The following SHOC1 variants were observed in gnomAD, a reference collection of about 807,000 sequenced individuals.
SHOC1 encodes the protein protein shortage in chiasmata 1 ortholog.
In SHOC1, 136 loss-of-function variants were observed where a neutral mutation model predicts 179.2. That is an observed-to-expected ratio of 0.76 (90% confidence interval 0.66 to 0.87). SHOC1 has a LOEUF of 0.87. Among genes scored for constraint, SHOC1 ranks in the 40% least tolerant of loss-of-function variants. The probability of loss-of-function intolerance (pLI) is 0.00; values close to 1 mark genes in which losing one functional copy is unlikely to be tolerated. For missense variants in SHOC1, 1,538 were observed against 1,700.8 expected, an observed-to-expected ratio of 0.90 and a Z score of 1.68; for synonymous variants, 489 against 586.6, an observed-to-expected ratio of 0.83 and a Z score of 2.41.
intron 5 of SHOC1, among the ~76,000 whole-genome samples, chr9:111,769,994 T>G (rs959574556): frequency 4.8e-5 from 7 of 146,730 alleles, no homozygotes; most frequent in African/African-American, 1.8e-4. Flanking sequence ...TTGTTTTTTT[T>G]TTTTTTTTTT....
At chr9:111,705,656 C>T (rs1292402145) in intron 20 of SHOC1, among the ~76,000 whole-genome samples, 5 of 151,858 alleles carry the variant, frequency 3.3e-5, no homozygotes, top group African/African-American at 4.8e-5. Context: ...CACACATGTA[C>T]ACTCACTTCA....
At chr9:111,729,780 T>A (rs1319405050) in intron 12 of SHOC1, among the ~76,000 whole-genome samples, 1 of 151,784 alleles carries the variant, frequency 6.6e-6, no homozygotes, top group Non-Finnish European at 1.5e-5. Flanking sequence ...TAGTCCCAGC[T>A]ACTCAGGAGG....
intron 3 of SHOC1, among the ~76,000 whole-genome samples, chr9:111,784,520 A>G (rs1836191059): frequency 6.6e-6 from 1 of 152,162 alleles, no homozygotes. Context: ...TCTCCTCTTG[A>G]CTTTTAAATC....
At chr9:111,712,300 T>C (rs1156544469) in intron 18 of SHOC1, among the ~76,000 whole-genome samples, 4 of 152,078 alleles carry the variant, frequency 2.6e-5, no homozygotes, top group Admixed American at 2.0e-4. Flanking sequence ...AGGTACACAA[T>C]TGTCCATGGA....
Position 111,748,178 on chromosome 9 carries a change from A to C in SHOC1, c.884T>G (p.Ile295Ser). ...GAATTTTATATCCCCGATATCCTCA[A>C]TTCCATGCTTGTTAGTAAGATCTGA... ...FERDLTNKHG[I>S]EDIGDIKFSS... Residue 295 changes from isoleucine to serine, a missense_variant, in exon 9 of 28, where the codon ATT becomes AGT. Coordinates refer to ENST00000682961, the MANE Select transcript of SHOC1 (RefSeq NM_001378211.1). The C allele has an allele frequency of 6.2e-7, 1 of 1,612,964 alleles. No homozygotes were observed.
chr9:111,793,743 C>G (rs1836527568), intron 1 of SHOC1, among the ~76,000 whole-genome samples: 1 of 149,618 alleles, frequency 6.7e-6, no homozygotes, highest in South Asian at 2.1e-4. Flanking sequence ...TAACAAACAT[C>G]TACTGGACTA....
chr9:111,761,536 C>T (rs1835137139), intron 5 of SHOC1, among the ~76,000 whole-genome samples: 2 of 151,930 alleles, frequency 1.3e-5, no homozygotes, highest in Non-Finnish European at 1.5e-5. Flanking sequence ...AAACCTCATG[C>T]ACCTTCAAGA....
intron 5 of SHOC1, among the ~76,000 whole-genome samples, chr9:111,760,128 T>A (rs537605027): frequency 2.0e-5 from 3 of 152,300 alleles, no homozygotes; most frequent in South Asian, 4.1e-4. Flanking sequence ...TCTAAACAGA[T>A]CCTCCAGCCA....
chr9:111,751,764 A>G (rs555276564), intron 8 of SHOC1, among the ~76,000 whole-genome samples: 2 of 152,308 alleles, frequency 1.3e-5, no homozygotes, highest in African/African-American at 4.8e-5. Flanking sequence ...GGAAACACAT[A>G]TATTAGTTCT....
chr9:111,692,558 A>G (rs751022884), intron 26 of SHOC1, 47 bp from the exon 27 acceptor site: 1 of 1,376,082 alleles, frequency 7.3e-7, no homozygotes, highest in Non-Finnish European at 9.9e-7. Context: ...AGTAAATATA[A>G]ATAATGATGC....
At chr9:111,699,706 C>T (rs1191671262) in intron 24 of SHOC1, among the ~76,000 whole-genome samples, 1 of 152,032 alleles carries the variant, frequency 6.6e-6, no homozygotes, top group African/African-American at 2.4e-5. Flanking sequence ...TTATTCATAT[C>T]CTGCTATGTT....
chr9:111,781,724 G>GTAAATAAA (rs58575917), intron 3 of SHOC1, among the ~76,000 whole-genome samples: 54,107 of 134,886 alleles, frequency 0.4, 11,436 homozygotes, highest in East Asian at 0.72. Flanking sequence ...GTGAGACTCT[G>GTAAATAAA]TAAATAAATA....
At position 111,746,375 on chromosome 9, in the gene SHOC1, A is replaced by G. The variant is rs368165710; in HGVS notation, c.971-33T>C. The G allele has an allele frequency of 3.6e-6, 5 of 1,374,368 alleles. No homozygotes were observed. The African/African-American group carries it at 7.1e-5, about 20-fold the overall frequency. 85.1% of individuals were successfully genotyped at this position (1,374,368 alleles called of 1,614,324 possible). ...ATATGAAAATTAAAGTTATGTAAAC[A>G]TTGAATAATATTAAGTAGGCTAGGC... is the stretch of plus-strand genomic sequence containing the variant. On this transcript the variant is annotated intron_variant, in intron 9 of 27. Coordinates refer to ENST00000682961, the MANE Select transcript of SHOC1 (RefSeq NM_001378211.1).
chr9:111,753,028 C>A (rs1353550366), intron 8 of SHOC1, among the ~76,000 whole-genome samples: 1 of 152,086 alleles, frequency 6.6e-6, no homozygotes, highest in Non-Finnish European at 1.5e-5. Context: ...GCCTGAGCAA[C>A]ATAGTGAGAC....
At chr9:111,707,734 G>T in intron 19 of SHOC1, 121 bp downstream of exon 19, 1 of 679,632 alleles carries the variant, frequency 1.5e-6, no homozygotes, top group Non-Finnish European at 2.6e-6. Flanking sequence ...TCAGGAAGAG[G>T]GTAGAGGCAT....
intron 27 of SHOC1, among the ~76,000 whole-genome samples, chr9:111,690,470 A>G (rs1831378014): frequency 6.6e-6 from 1 of 152,198 alleles, no homozygotes; most frequent in South Asian, 2.1e-4. Flanking sequence ...AATATTAAAT[A>G]AAACAAAAAT....
intron 24 of SHOC1, among the ~76,000 whole-genome samples, chr9:111,699,637 C>T (rs1451166317): frequency 6.6e-6 from 1 of 152,076 alleles, no homozygotes; most frequent in East Asian, 1.9e-4. Context: ...CCATTTACAG[C>T]AGATACAAGC....
At chr9:111,775,471 T>C (rs1355856378) in intron 5 of SHOC1, among the ~76,000 whole-genome samples, 1 of 152,196 alleles carries the variant, frequency 6.6e-6, no homozygotes, top group African/African-American at 2.4e-5. Flanking sequence ...AATATAGTAA[T>C]TTAATATTAC....
intron 2 of SHOC1, among the ~76,000 whole-genome samples, chr9:111,789,631 AAC>A (rs1422476527): frequency 6.6e-6 from 1 of 152,152 alleles, no homozygotes; most frequent in East Asian, 1.9e-4. Context: ...GCGGTTCCTC[AAC>A]ACCATTTTCA....
Sources: gnomAD v4.1 joint callset for allele counts (sites outside exome capture counted in the v4.1 genomes callset) on GRCh38, gnomAD v4.1.1 for gene constraint, MANE v1.5 for transcripts, NCBI Gene and HGNC (gene_info 2026-07-23, HGNC 2026-07-21) for gene names.